The following ATRNL1 variants were observed in gnomAD, a reference collection of about 807,000 sequenced individuals.
ATRNL1 encodes attractin-like protein 1.
Under a neutral mutation model 182.7 loss-of-function variants are expected in ATRNL1, and 95 were observed. The observed-to-expected ratio is 0.52, with a 90% CI of 0.44 to 0.62. The LOEUF is 0.62. Ranked by LOEUF, ATRNL1 falls within the 20% of genes least tolerant of loss-of-function variation. The probability of loss-of-function intolerance (pLI) is 0.00; values close to 1 mark genes in which losing one functional copy is unlikely to be tolerated. For synonymous variants in ATRNL1, 576 were observed against 568.3 expected (o/e 1.01, Z -0.19); for missense variants, 1,471 against 1,679.5 (o/e 0.88, Z 2.17).
At chr10:115,237,956 G>T (rs569870546) in intron 9 of ATRNL1, among the ~76,000 whole-genome samples, 2 of 152,254 alleles carry the variant, frequency 1.3e-5, no homozygotes, top group East Asian at 3.9e-4. Flanking sequence ...TTACTACTGT[G>T]ATGCCCTGTT....
chr10:115,429,238 A>C (rs1347825319), intron 21 of ATRNL1, among the ~76,000 whole-genome samples: 2 of 152,116 alleles, frequency 1.3e-5, no homozygotes, highest in African/African-American at 4.8e-5. Flanking sequence ...TATAAAAATA[A>C]AATTCGTTTT....
chr10:115,329,782 A>G (rs1554934485), intron 18 of ATRNL1, among the ~76,000 whole-genome samples: 1 of 152,092 alleles, frequency 6.6e-6, no homozygotes, highest in Non-Finnish European at 1.5e-5. Context: ...GGTGAATTGA[A>G]TCTTTTGTTG....
At chr10:115,646,675 C>T (rs189022437) in intron 26 of ATRNL1, among the ~76,000 whole-genome samples, 1 of 150,616 alleles carries the variant, frequency 6.6e-6, no homozygotes, top group Admixed American at 6.6e-5. Flanking sequence ...TATTAAAAGC[C>T]CTCCCATACT....
intron 27 of ATRNL1, among the ~76,000 whole-genome samples, chr10:115,760,836 G>A (rs1948716823): frequency 6.6e-6 from 1 of 152,166 alleles, no homozygotes; most frequent in African/African-American, 2.4e-5. Flanking sequence ...AATCAGACAA[G>A]GTATAGTTTG....
intron 26 of ATRNL1, among the ~76,000 whole-genome samples, chr10:115,684,138 A>G (rs782016473): frequency 4.0e-5 from 6 of 151,606 alleles, no homozygotes; most frequent in Non-Finnish European, 5.9e-5. Context: ...GTTGTTTTAG[A>G]TACCTGGTAA....
rs782392933 is a variant in ATRNL1 at position 115,093,503 on chromosome 10, G to T, written c.-248G>T. 12 of 649,526 alleles carry T rather than the reference G, an allele frequency of 1.8e-5. No individual in the cohort carries two copies. Among genetic ancestry groups the T allele is most frequent in the African/African-American group, 1.3e-4 (7 of 52,724 alleles). The allele number at this position is 649,526 out of a possible 1,614,324, so 40.2% of individuals were successfully genotyped here. A position where few individuals can be genotyped will look rare whatever the true frequency, so the allele number is the denominator to read the frequency against. On this transcript the variant is annotated 5_prime_UTR_variant, in exon 1 of 29. Coordinates refer to ENST00000355044, the MANE Select transcript of ATRNL1 (RefSeq NM_207303.4). This position sits in a 1 kb window ranked among gnomAD's most constrained non-coding sequence, Gnocchi z 6.1. ...GCCGGGTCCGGGACGCCGCGGCTGTGGGGTCGGCCCGCTAAGGACAAGGTC... is the reference window on the plus strand; with the variant it reads ...GCCGGGTCCGGGACGCCGCGGCTGTTGGGTCGGCCCGCTAAGGACAAGGTC...
intron 24 of ATRNL1, among the ~76,000 whole-genome samples, chr10:115,490,540 C>G (rs185833383): frequency 2.0e-5 from 3 of 152,040 alleles, no homozygotes; most frequent in African/African-American, 7.2e-5. Context: ...GTATGCCTCA[C>G]GAAGTTCTTG....
chr10:115,847,928 G>A lies in ATRNL1; in HGVS notation c.3955G>A (p.Val1319Ile), dbSNP rs1555099314. Residue 1319 changes from valine (V) to isoleucine (I), a missense_variant, in exon 28 of 29, where the codon GTT becomes ATT. Val to Ile is a conservative substitution (Grantham distance 29). Around this residue, in one of 3 missense-constraint regions of ATRNL1, gnomAD observed 437 missense variants for 506.0 expected, o/e 0.86. Coordinates refer to ENST00000355044, the MANE Select transcript of ATRNL1 (RefSeq NM_207303.4). ...IEPCAGNRAA[V>I]LTVFLCLPRG... ...ACCATGTGCTGGGAACAGAGCTGCTGTTCTGACTGTGTTTCTTTGTCTACC... is the reference window on the plus strand; with the variant it reads ...ACCATGTGCTGGGAACAGAGCTGCTATTCTGACTGTGTTTCTTTGTCTACC... The A allele has an allele frequency of 1.2e-6, 2 of 1,612,970 alleles. No homozygotes were observed. The highest frequency in any genetic ancestry group is 1.3e-5 in the African/African-American group (1 of 74,880).
At chr10:115,536,826 G>T (rs1554990574) in intron 25 of ATRNL1, among the ~76,000 whole-genome samples, 1 of 152,170 alleles carries the variant, frequency 6.6e-6, no homozygotes, top group Non-Finnish European at 1.5e-5. Flanking sequence ...AGAAGAAAAT[G>T]TAACTCCCTG....
intron 26 of ATRNL1, among the ~76,000 whole-genome samples, chr10:115,594,067 T>A (rs1197475523): frequency 6.6e-6 from 1 of 152,194 alleles, no homozygotes; most frequent in East Asian, 1.9e-4. Context: ...TGTGACATAA[T>A]TCATATTTCT....
At chr10:115,449,938 C>T (rs904536738) in intron 21 of ATRNL1, among the ~76,000 whole-genome samples, 1 of 152,088 alleles carries the variant, frequency 6.6e-6, no homozygotes, top group Non-Finnish European at 1.5e-5. Flanking sequence ...CATCAAAAAG[C>T]TAATACACCA....
At position 115,171,258 on chromosome 10, in the gene ATRNL1, T is replaced by C. The variant is rs781976143; in HGVS notation, c.1314T>C (p.Tyr438=). The C allele has an allele frequency of 3.1e-6, 5 of 1,608,030 alleles. No homozygotes were observed. In the South Asian group the frequency reaches 4.4e-5, roughly 14 times the overall value. Reference sequence around the variant, plus strand: ...TAATATTTGGATATTCTGCAATATATGGTTATACAAGCAGCATACAGGAAT... The same window carrying C: ...TAATATTTGGATATTCTGCAATATACGGTTATACAAGCAGCATACAGGAAT... ...MIIIFGYSAI[Y]GYTSSIQEYH... is the part of the protein sequence containing the mutation. The change falls in exon 8 of 29, where the codon TAT becomes TAC. Residue 438 remains tyrosine, a synonymous_variant. Coordinates refer to ENST00000355044, the MANE Select transcript of ATRNL1 (RefSeq NM_207303.4).
At chr10:115,631,361 A>G (rs150723139) in intron 26 of ATRNL1, among the ~76,000 whole-genome samples, 197 of 152,232 alleles carry the variant, frequency 1.3e-3, no homozygotes, top group African/African-American at 4.4e-3. Flanking sequence ...TAAATTGACA[A>G]TAATTAAATA....
At chr10:115,502,800 G>A (rs575808504) in intron 24 of ATRNL1, among the ~76,000 whole-genome samples, 1 of 152,110 alleles carries the variant, frequency 6.6e-6, no homozygotes, top group South Asian at 2.1e-4. Context: ...GTAGATGATG[G>A]GTTGATGAGT....
At position 115,407,517 on chromosome 10, in the gene ATRNL1, T is replaced by G. The variant is rs188251006; in HGVS notation, c.3269+12765T>G. Among the ~76,000 whole-genome samples the G allele has an allele frequency of 6.7e-3, 1,021 of 152,288 alleles. 48 individuals are homozygous for G. Among genetic ancestry groups the G allele is most frequent in the Admixed American group, 0.061 (936 of 15,300 alleles). On this transcript the variant is annotated intron_variant, in intron 20 of 28. Coordinates refer to ENST00000355044, the MANE Select transcript of ATRNL1 (RefSeq NM_207303.4). ...TCTATTCCTGGCTTATTTCACTTCATGTAATGTCTTCCAGTTCCATCCATG... is the reference window on the plus strand; with the variant it reads ...TCTATTCCTGGCTTATTTCACTTCAGGTAATGTCTTCCAGTTCCATCCATG...
At chr10:115,384,707 A>G (rs1328222853) in intron 19 of ATRNL1, among the ~76,000 whole-genome samples, 1 of 152,066 alleles carries the variant, frequency 6.6e-6, no homozygotes, top group Non-Finnish European at 1.5e-5. Context: ...GTCATACAAA[A>G]GTAAAAGACA....
rs71476116 is a variant in ATRNL1, at chr10:115,203,745, A to AT, written c.1349-11929dup. Among the ~76,000 whole-genome samples the AT allele has an allele frequency of 3.8e-3, 404 of 105,962 alleles. 7 individuals are homozygous for AT. Among genetic ancestry groups the AT allele is most frequent in the African/African-American group, 0.014 (350 of 24,758 alleles). The allele number at this position is 105,962 out of a possible 152,430, so 69.5% of individuals were successfully genotyped here. A position where few individuals can be genotyped will look rare whatever the true frequency, so the allele number is the denominator to read the frequency against. On this transcript the variant is annotated intron_variant, in intron 8 of 28. Transcript: ENST00000355044. ...CAGAAGTGCACCACCATGCCTGGCT[A>AT]TTTTTTTTTTTTTTTTTTTTTTTGT...
At chr10:115,550,181 A>G (rs10509993) in intron 26 of ATRNL1, among the ~76,000 whole-genome samples, 27,062 of 151,800 alleles carry the variant, frequency 0.18, 3,038 homozygotes, top group Non-Finnish European at 0.25. Flanking sequence ...TCTGAGGAGC[A>G]AAAGTATGCA....
intron 26 of ATRNL1, among the ~76,000 whole-genome samples, chr10:115,677,834 T>C (rs1301344824): frequency 6.6e-6 from 1 of 152,010 alleles, no homozygotes; most frequent in Non-Finnish European, 1.5e-5. Context: ...ATTGAGTCTC[T>C]GCATCAGAGA....
Sources: gnomAD v4.1 joint callset for allele counts (sites outside exome capture counted in the v4.1 genomes callset) on GRCh38, gnomAD v4.1.1 for gene constraint, gnomAD v4.1.1 regional missense constraint, Gnocchi (gnomAD v3.1) non-coding constraint, MANE v1.5 for transcripts, NCBI Gene and HGNC (gene_info 2026-07-23, HGNC 2026-07-21) for gene names.